Variants in WWOX observed in about 807,000 individuals in gnomAD.
WWOX encodes the protein WW domain containing oxidoreductase, also known as WW domain-containing oxidoreductase.
In WWOX, 69 loss-of-function variants were observed where a neutral mutation model predicts 46.2. That is an observed-to-expected ratio of 1.49 (90% CI 1.23 to 1.82). The LOEUF (loss-of-function observed/expected upper bound fraction) is 1.82, where lower values mean the gene tolerates loss of function less well. Among genes scored for constraint, WWOX ranks in the 40% most tolerant of loss-of-function variants. WWOX has a pLI of 0.00. For missense variants in WWOX, 919 were observed against 542.6 expected, an observed-to-expected ratio of 1.69 and a Z score of -6.89; for synonymous variants, 359 against 202.6, an observed-to-expected ratio of 1.77 and a Z score of -6.56.
chr16:79,060,836 A>C (rs566199723), intron 8 of WWOX, among the ~76,000 whole-genome samples: 14 of 152,200 alleles, frequency 9.2e-5, no homozygotes, highest in Non-Finnish European at 1.6e-4. Flanking sequence ...GATAGTGGCC[A>C]ATAATTTTAT....
intron 8 of WWOX, among the ~76,000 whole-genome samples, chr16:79,109,968 A>G (rs1000769729): frequency 2.0e-5 from 3 of 152,116 alleles, no homozygotes; most frequent in African/African-American, 7.2e-5. Flanking sequence ...GAAAGTGCCA[A>G]CCCTCCAAAT....
chr16:78,824,063 T>C (rs370668910), intron 8 of WWOX, among the ~76,000 whole-genome samples: 3 of 152,192 alleles, frequency 2.0e-5, no homozygotes, highest in Non-Finnish European at 4.4e-5. Flanking sequence ...AGCCTCTGAA[T>C]CCAAATTTTA....
In WWOX at chr16:78,492,023, A is replaced by G. The variant is rs2084795840; in HGVS notation, c.1056+59271A>G. Among the ~76,000 whole-genome samples, 3 of 64,474 alleles carry G rather than the reference A, an allele frequency of 4.7e-5. No individual in the cohort carries two copies. In the South Asian group the frequency reaches 1.4e-3, roughly 30 times the overall value. 42.3% of individuals were successfully genotyped at this position (64,474 alleles called of 152,430 possible). A position where few individuals can be genotyped will look rare whatever the true frequency, so the allele number is the denominator to read the frequency against. On this transcript the variant is annotated intron_variant, in intron 8 of 8. Coordinates refer to ENST00000566780, the MANE Select transcript of WWOX (RefSeq NM_016373.4). ...AGGTGACACTTGCCATTCTCAATGG[A>G]CAAAGGGAGTGGGGGTGTGGGGGTG...
intron 8 of WWOX, among the ~76,000 whole-genome samples, chr16:78,876,519 T>G (rs2044237492): frequency 6.6e-6 from 1 of 152,094 alleles, no homozygotes; most frequent in East Asian, 1.9e-4. Flanking sequence ...TGCTGTCTTG[T>G]GAATGTCAAA....
intron 5 of WWOX, among the ~76,000 whole-genome samples, chr16:78,207,044 A>G (rs1356816655): frequency 6.6e-6 from 1 of 152,148 alleles, no homozygotes; most frequent in Non-Finnish European, 1.5e-5. Flanking sequence ...AGGTGAAGTA[A>G]TTTTCCCAGG....
chr16:78,529,569 C>G (rs759227919), intron 8 of WWOX, among the ~76,000 whole-genome samples: 1 of 151,820 alleles, frequency 6.6e-6, no homozygotes, highest in Middle Eastern at 3.2e-3. Flanking sequence ...CGAGTTCAAG[C>G]GATTCTTCTG....
chr16:78,804,863 A>C lies in WWOX; in HGVS notation c.1056+372111A>C, dbSNP rs113170378. On this transcript the variant is annotated intron_variant, in intron 8 of 8. Transcript: ENST00000566780. ...ATTCTGTGATCCTTAGGATGTAGCC[A>C]TGACAGTATTACGGGTTTTAAAAGC... is the stretch of plus-strand genomic sequence containing the variant. Among the ~76,000 whole-genome samples the C allele has an allele frequency of 5.3e-3, 802 of 152,352 alleles. 12 individuals are homozygous for C. The highest frequency in any genetic ancestry group is 0.019 in the African/African-American group (770 of 41,584).
intron 8 of WWOX, among the ~76,000 whole-genome samples, chr16:78,722,721 T>C (rs1012881209): frequency 1.2e-4 from 16 of 132,512 alleles, no homozygotes; most frequent in Non-Finnish European, 2.1e-4. Flanking sequence ...TTTTTTTTTT[T>C]CCTCTAAATA....
intron 8 of WWOX, among the ~76,000 whole-genome samples, chr16:79,031,398 T>A (rs984891465): frequency 7.3e-5 from 11 of 151,616 alleles, no homozygotes; most frequent in African/African-American, 2.7e-4. Context: ...TTATCTCGAG[T>A]TGGTTTGCAA....
At chr16:78,181,015 G>T (rs1380518565) in intron 5 of WWOX, among the ~76,000 whole-genome samples, 1 of 152,142 alleles carries the variant, frequency 6.6e-6, no homozygotes, top group East Asian at 1.9e-4. Flanking sequence ...ACCCAGCTTG[G>T]GTTGGCTTTG....
intron 8 of WWOX, among the ~76,000 whole-genome samples, chr16:78,969,599 C>G (rs557299070): frequency 3.9e-5 from 6 of 152,302 alleles, no homozygotes; most frequent in African/African-American, 1.4e-4. Flanking sequence ...CAGTTCCTCT[C>G]TTCTTTGTTG....
chr16:78,937,592 G>A (rs2045766844), intron 8 of WWOX, among the ~76,000 whole-genome samples: 1 of 147,678 alleles, frequency 6.8e-6, no homozygotes, highest in African/African-American at 2.5e-5. Context: ...ACCGTGCCCA[G>A]CTATAGAGCT....
intron 8 of WWOX, among the ~76,000 whole-genome samples, chr16:78,710,498 A>ATATATATATATATATATATTTTTTTTT (rs941311575): frequency 7.5e-6 from 1 of 132,836 alleles, no homozygotes; most frequent in African/African-American, 2.9e-5. Context: ...ATATATATAT[A>ATATATATATATATATATATTTTTTTTT]TTTATATAAA....
chr16:78,813,520 A>T (rs1037128475), intron 8 of WWOX, among the ~76,000 whole-genome samples: 2 of 152,124 alleles, frequency 1.3e-5, no homozygotes, highest in Non-Finnish European at 2.9e-5. Flanking sequence ...AATGATGCCT[A>T]TCTGATTCTG....
intron 8 of WWOX, among the ~76,000 whole-genome samples, chr16:78,877,996 T>C (rs1253299503): frequency 3.9e-5 from 6 of 152,200 alleles, no homozygotes; most frequent in Admixed American, 2.6e-4. Context: ...TGATTTTGTT[T>C]TTATAGGCTC....
chr16:78,998,303 C>G (rs1320914032), intron 8 of WWOX, among the ~76,000 whole-genome samples: 1 of 152,182 alleles, frequency 6.6e-6, no homozygotes, highest in Non-Finnish European at 1.5e-5. Flanking sequence ...GTGTTGGCTG[C>G]TCTTCTCCCT....
At chr16:79,127,045 T>G (rs975111000) in intron 8 of WWOX, among the ~76,000 whole-genome samples, 1 of 152,048 alleles carries the variant, frequency 6.6e-6, no homozygotes, top group Non-Finnish European at 1.5e-5. Context: ...AAATTAGGAT[T>G]AAAAAATGTA....
chr16:78,582,403 C>T (rs1440060594), intron 8 of WWOX, among the ~76,000 whole-genome samples: 3 of 152,108 alleles, frequency 2.0e-5, no homozygotes, highest in African/African-American at 7.2e-5. Flanking sequence ...GTGGGAGTAT[C>T]AATTTTTCTT....
rs1309673439 is a variant in WWOX, at chr16:78,768,279, T to TTAAAAAAAACA, written c.1056+335527_1056+335528insTAAAAAAAACA. On this transcript the variant is annotated intron_variant, in intron 8 of 8. Transcript: ENST00000566780. The stretch of plus-strand genomic sequence containing the variant: ...GCAAGCCAAAAAGTGATAGATGAGT[T>TTAAAAAAAACA]AAAAAAAAAAAAAAAAAAAAAGTTG... Among the ~76,000 whole-genome samples, 858 of 91,950 alleles carry TTAAAAAAAACA rather than the reference T, an allele frequency of 9.3e-3. 9 individuals are homozygous for TTAAAAAAAACA. The highest frequency in any genetic ancestry group is 0.033 in the African/African-American group (818 of 24,976). 60.3% of individuals were successfully genotyped at this position (91,950 alleles called of 152,430 possible). A position where few individuals can be genotyped will look rare whatever the true frequency, so the allele number is the denominator to read the frequency against.
Sources: gnomAD v4.1 joint callset for allele counts (sites outside exome capture counted in the v4.1 genomes callset) on GRCh38, gnomAD v4.1.1 for gene constraint, MANE v1.5 for transcripts, NCBI Gene and HGNC (gene_info 2026-07-23, HGNC 2026-07-21) for gene names.